IL1RAPL2: variants seen among roughly 807,000 people sequenced by gnomAD.
IL1RAPL2 encodes the protein interleukin 1 receptor accessory protein like 2, also known as X-linked interleukin-1 receptor accessory protein-like 2.
Under a neutral mutation model 44.1 loss-of-function variants are expected in IL1RAPL2, and 3 were observed. That is an observed-to-expected ratio of 0.07 (90% CI 0.03 to 0.18). IL1RAPL2 has a LOEUF of 0.18. IL1RAPL2 is among the 10% of genes least tolerant of loss of function. The pLI is 1.00. For missense variants in IL1RAPL2, 391 were observed against 496.4 expected (o/e 0.79, Z 2.02); for synonymous variants, 181 against 178.8 (o/e 1.01, Z -0.10).
intron 5 of IL1RAPL2, among the ~76,000 whole-genome samples, chrX:105,344,807 A>G (rs772748424): frequency 8.9e-6 from 1 of 112,053 alleles, no homozygotes; most frequent in East Asian, 2.8e-4. Context: ...TGCCATAAAT[A>G]GCTCTGGTTT....
intron 6 of IL1RAPL2, among the ~76,000 whole-genome samples, chrX:105,569,840 C>A (rs1473940717): frequency 1.8e-5 from 2 of 111,443 alleles, no homozygotes; most frequent in Non-Finnish European, 3.8e-5. Flanking sequence ...ATCTGTAAAC[C>A]TTGTTCCTCT....
At chrX:104,581,631 A>G (rs1928347534) in intron 1 of IL1RAPL2, among the ~76,000 whole-genome samples, 1 of 111,367 alleles carries the variant, frequency 9.0e-6, no homozygotes, top group African/African-American at 3.3e-5. Context: ...TATCTTTTGC[A>G]TGAAGGATGC....
rs1387601159 is a variant in IL1RAPL2 at position 105,473,911 on chromosome X, A to C, written c.698-10402A>C. Among the ~76,000 whole-genome samples the C allele has an allele frequency of 2.7e-5, 3 of 111,885 alleles. No homozygotes were observed. In the East Asian group the frequency reaches 8.4e-4, roughly 31 times the overall value. On this transcript the variant is annotated intron_variant, in intron 5 of 10. Transcript: ENST00000372582. ...CGCAATGTCATATTCTGCTTCTTTAAATTTTATCTATATTTTATTTGATTA... is the reference window on the plus strand; with the variant it reads ...CGCAATGTCATATTCTGCTTCTTTACATTTTATCTATATTTTATTTGATTA...
intron 2 of IL1RAPL2, among the ~76,000 whole-genome samples, chrX:105,036,857 A>AT (rs1257198007): frequency 8.9e-6 from 1 of 112,079 alleles, no homozygotes; most frequent in African/African-American, 3.2e-5. Context: ...ATACAAAGGG[A>AT]TAAAAACCAA....
At chrX:105,386,416 G>C (rs1183871296) in intron 5 of IL1RAPL2, among the ~76,000 whole-genome samples, 1 of 111,419 alleles carries the variant, frequency 9.0e-6, no homozygotes, top group African/African-American at 3.3e-5. Flanking sequence ...CCACCACTTA[G>C]ATTGCAGTGT....
intron 5 of IL1RAPL2, among the ~76,000 whole-genome samples, chrX:105,325,275 T>G (rs1340851096): frequency 9.0e-6 from 1 of 110,665 alleles, no homozygotes; most frequent in Non-Finnish European, 1.9e-5. Flanking sequence ...CTGGAAATTT[T>G]ATATAAAAGG....
chrX:104,709,404 TTC>T (rs1229191241), intron 2 of IL1RAPL2, among the ~76,000 whole-genome samples: 1 of 110,846 alleles, frequency 9.0e-6, no homozygotes, highest in Non-Finnish European at 1.9e-5. Context: ...CCAGCTCAAC[TTC>T]TCTCTTTTTT....
At chrX:104,746,042 A>C (rs973989193) in intron 2 of IL1RAPL2, among the ~76,000 whole-genome samples, 7 of 111,780 alleles carry the variant, frequency 6.3e-5, no homozygotes, top group African/African-American at 2.3e-4. Context: ...TAATGTATCG[A>C]CTTCCAAGTT....
chrX:105,646,951 G>A (rs1440116488), intron 6 of IL1RAPL2, among the ~76,000 whole-genome samples: 1 of 112,585 alleles, frequency 8.9e-6, no homozygotes, highest in East Asian at 2.8e-4. Flanking sequence ...CAAGATGGCG[G>A]CAAGCCTTTT....
At chrX:105,287,597 G>A (rs926951344) in intron 5 of IL1RAPL2, among the ~76,000 whole-genome samples, 1 of 111,755 alleles carries the variant, frequency 8.9e-6, no homozygotes, top group Non-Finnish European at 1.9e-5. Flanking sequence ...ACTAGTCCAG[G>A]CTAGAGGTGA....
intron 6 of IL1RAPL2, among the ~76,000 whole-genome samples, chrX:105,594,792 T>G (rs1310270080): frequency 9.0e-6 from 1 of 111,278 alleles, no homozygotes; most frequent in African/African-American, 3.3e-5. Context: ...GAGCAGAAAA[T>G]CAGGTATCAC....
intron 5 of IL1RAPL2, among the ~76,000 whole-genome samples, chrX:105,277,716 G>A (rs1470023546): frequency 1.8e-5 from 2 of 110,840 alleles, no homozygotes; most frequent in Non-Finnish European, 3.8e-5. Context: ...GGACTTTGCA[G>A]GGCCTGTGGG....
intron 4 of IL1RAPL2, among the ~76,000 whole-genome samples, chrX:105,241,437 A>G (rs1556208213): frequency 8.9e-6 from 1 of 111,881 alleles, no homozygotes; most frequent in East Asian, 2.8e-4. Flanking sequence ...AAGGCAAACA[A>G]AAATCTTTCA....
intron 2 of IL1RAPL2, among the ~76,000 whole-genome samples, chrX:104,894,094 A>C (rs147262524): frequency 1.8e-5 from 2 of 111,341 alleles, no homozygotes; most frequent in South Asian, 7.6e-4. Context: ...TTCTTTTCTT[A>C]AGTATGTTGG....
chrX:104,791,984 T>C (rs763822448), intron 2 of IL1RAPL2, among the ~76,000 whole-genome samples: 2 of 111,571 alleles, frequency 1.8e-5, no homozygotes, highest in South Asian at 7.6e-4. Context: ...AATTGTTCTG[T>C]GGATGCTAAG....
intron 1 of IL1RAPL2, chrX:104,648,080 T>C: frequency 2.2e-6 from 1 of 450,713 alleles, no homozygotes; most frequent in Non-Finnish European, 4.0e-6. Flanking sequence ...TCCAAACCTC[T>C]TCCTACAGAT....
intron 1 of IL1RAPL2, among the ~76,000 whole-genome samples, chrX:104,651,590 A>G (rs141935965): frequency 0.028 from 3,133 of 111,707 alleles, 122 homozygotes; most frequent in African/African-American, 0.097. Context: ...ACAATCATAG[A>G]TAGAATAGGT....
chrX:105,304,421 C>T (rs1225460794), intron 5 of IL1RAPL2, among the ~76,000 whole-genome samples: 8 of 112,434 alleles, frequency 7.1e-5, no homozygotes, highest in African/African-American at 2.3e-4. Context: ...AGTCCTATTA[C>T]TCTGTGGGGA....
At chrX:104,646,760 T>C (rs1051039393) in intron 1 of IL1RAPL2, among the ~76,000 whole-genome samples, 8 of 111,132 alleles carry the variant, frequency 7.2e-5, no homozygotes, top group African/African-American at 2.6e-4. Flanking sequence ...CATTGACAAA[T>C]AAATGCTCTG....
Sources: allele counts gnomAD v4.1 joint callset (sites outside exome capture counted in the v4.1 genomes callset), GRCh38; gene constraint gnomAD v4.1.1; transcripts MANE v1.5; gene names NCBI Gene and HGNC (gene_info 2026-07-23, HGNC 2026-07-21).